TEX26: variants seen among roughly 807,000 people sequenced by gnomAD.
TEX26 encodes testis expressed 26.
A neutral mutation model predicts 35.3 loss-of-function variants in TEX26; 34 were observed. That is an observed-to-expected ratio of 0.96 (90% CI 0.73 to 1.28). TEX26 has a LOEUF of 1.28. Ranked by LOEUF, TEX26 falls within the 50% of genes most tolerant of loss-of-function variation. The probability of loss-of-function intolerance (pLI) is 0.00; values close to 1 mark genes in which losing one functional copy is unlikely to be tolerated. For synonymous variants in TEX26, 136 were observed against 111.8 expected, an observed-to-expected ratio of 1.22 and a Z score of -1.36; for missense variants, 371 against 330.1, an observed-to-expected ratio of 1.12 and a Z score of -0.96.
chr13:30,947,934 C>T (rs767187640), intron 2 of TEX26, among the ~76,000 whole-genome samples: 9 of 152,000 alleles, frequency 5.9e-5, no homozygotes, highest in Non-Finnish European at 1.3e-4. Context: ...GTTCCTCTTC[C>T]TGTGTCCATG....
At chr13:30,963,586 A>T (rs57365010) in intron 4 of TEX26, among the ~76,000 whole-genome samples, 4,711 of 152,316 alleles carry the variant, frequency 0.031, 232 homozygotes, top group African/African-American at 0.11. Context: ...AGTGTACTTC[A>T]GATATTAATT....
At chr13:30,937,527 C>T (rs1361833264) in intron 1 of TEX26, among the ~76,000 whole-genome samples, 1 of 152,162 alleles carries the variant, frequency 6.6e-6, no homozygotes, top group Non-Finnish European at 1.5e-5. Context: ...TTACGAGTGG[C>T]ATGCCTCACA....
chr13:30,941,552 T>C (rs1953512233), intron 2 of TEX26, among the ~76,000 whole-genome samples: 1 of 152,220 alleles, frequency 6.6e-6, no homozygotes, highest in Non-Finnish European at 1.5e-5. Flanking sequence ...ATGGGTGCAT[T>C]GCATAATGGT....
intron 1 of TEX26, among the ~76,000 whole-genome samples, chr13:30,935,702 C>T (rs1953248949): frequency 6.6e-6 from 1 of 152,332 alleles, no homozygotes; most frequent in East Asian, 1.9e-4. Flanking sequence ...TGCCTAGGGC[C>T]TCCTCTCTAC....
At chr13:30,974,735 T>C in intron 6 of TEX26, 111 bp from the exon 7 acceptor site, 4 of 1,101,088 alleles carry the variant, frequency 3.6e-6, no homozygotes, top group Non-Finnish European at 3.8e-6. Flanking sequence ...CTTACCAAAT[T>C]TGTGTATTTA....
intron 4 of TEX26, among the ~76,000 whole-genome samples, chr13:30,962,107 G>C (rs1243489088): frequency 6.6e-6 from 1 of 152,134 alleles, no homozygotes; most frequent in Non-Finnish European, 1.5e-5. Context: ...TTCACCACCT[G>C]GCAGCTAGAG....
chr13:30,956,110 A>G (rs986610685), intron 3 of TEX26, among the ~76,000 whole-genome samples: 17 of 151,392 alleles, frequency 1.1e-4, no homozygotes, highest in Non-Finnish European at 2.1e-4. Flanking sequence ...GGTGTGCTGC[A>G]CCCATTAACT....
Position 30,932,741 on chromosome 13 carries a change from C to T in TEX26, c.26C>T (p.Pro9Leu), listed in dbSNP as rs1953116035. The T allele has an allele frequency of 2.5e-6, 4 of 1,613,704 alleles. No homozygotes were observed. The Admixed American group carries it at 5.0e-5, about 20-fold the overall frequency. Reference protein sequence around the residue: MEQPGPRAPDPSLCHHNLQ... With the variant: MEQPGPRALDPSLCHHNLQ... ...ATGGAACAGCCTGGGCCCAGGGCTC[C>T]GGATCCCTCTCTCTGCCACCACAAC... Residue 9 changes from proline (P) to leucine (L), a missense_variant, in exon 1 of 7, where the codon CCG becomes CTG. By Grantham distance (98) the Pro-to-Leu change is moderately conservative (BLOSUM62 -3). Transcript: ENST00000380473.
chr13:30,956,019 TTTA>T (rs1231807408), intron 3 of TEX26, among the ~76,000 whole-genome samples: 5 of 152,082 alleles, frequency 3.3e-5, no homozygotes, highest in African/African-American at 1.2e-4. Context: ...CTTTTTTAAT[TTTA>T]TTATTATTAT....
At chr13:30,945,851 G>A (rs1953688585) in intron 2 of TEX26, among the ~76,000 whole-genome samples, 1 of 151,808 alleles carries the variant, frequency 6.6e-6, no homozygotes, top group Admixed American at 6.6e-5. Context: ...CTTTTTAATA[G>A]GTTACCTGAT....
chr13:30,964,785 A>G (rs1954470230), intron 4 of TEX26, among the ~76,000 whole-genome samples: 1 of 152,214 alleles, frequency 6.6e-6, no homozygotes, highest in Non-Finnish European at 1.5e-5. Context: ...CAAGAGCGTG[A>G]AAGTGAGAGA....
intron 6 of TEX26, among the ~76,000 whole-genome samples, chr13:30,970,544 G>A (rs36001708): frequency 0.034 from 5,242 of 152,146 alleles, 130 homozygotes; most frequent in Non-Finnish European, 0.05. Flanking sequence ...TTTCAATTTT[G>A]TATATAAAAT....
At chr13:30,940,831 G>A (rs112573829) in intron 2 of TEX26, among the ~76,000 whole-genome samples, 1 of 151,800 alleles carries the variant, frequency 6.6e-6, no homozygotes, top group Non-Finnish European at 1.5e-5. Flanking sequence ...CCAGCTACTC[G>A]GGAGGCAGAG....
chr13:30,938,576 T>C (rs1953360114), intron 1 of TEX26, among the ~76,000 whole-genome samples: 1 of 152,174 alleles, frequency 6.6e-6, no homozygotes, highest in Non-Finnish European at 1.5e-5. Flanking sequence ...TTACCTCATC[T>C]AATCTTAATT....
rs1954517655 is a variant in TEX26 at position 30,966,168 on chromosome 13, A to G, written c.470-54A>G. 5.0e-6 allele frequency: 8 copies of G among 1,600,388 alleles called. 1 individual carries two copies. Among genetic ancestry groups the G allele is most frequent in the African/African-American group, 2.7e-5 (2 of 74,396 alleles). ...CTCTAAACACAGCAAGAGTGGGTTT[A>G]GCTACTTTGTTCACAAGGAGTAAGT... On this transcript the variant is annotated intron_variant, in intron 4 of 6. Transcript: ENST00000380473.
At chr13:30,968,309 C>T (rs913135597) in intron 5 of TEX26, among the ~76,000 whole-genome samples, 5 of 151,996 alleles carry the variant, frequency 3.3e-5, no homozygotes, top group Admixed American at 6.5e-5. Context: ...TGGTAGCAGC[C>T]CCCAGAGAGA....
intron 4 of TEX26, among the ~76,000 whole-genome samples, chr13:30,958,455 G>C (rs904030872): frequency 1.6e-4 from 24 of 152,176 alleles, no homozygotes; most frequent in African/African-American, 5.8e-4. Context: ...GTGTTCTCCT[G>C]CTTTTTGGTG....
intron 1 of TEX26, among the ~76,000 whole-genome samples, chr13:30,938,380 C>T (rs2138172363): frequency 6.6e-6 from 1 of 152,224 alleles, no homozygotes; most frequent in Middle Eastern, 3.4e-3. Context: ...AAGAAAACTA[C>T]TTTAGCTGAT....
chr13:30,945,233 A>G (rs574053659), intron 2 of TEX26, among the ~76,000 whole-genome samples: 1 of 151,854 alleles, frequency 6.6e-6, no homozygotes, highest in South Asian at 2.1e-4. Context: ...TTGTTGCTTT[A>G]AAGTCTGTTT....
Sources: allele counts gnomAD v4.1 joint callset (sites outside exome capture counted in the v4.1 genomes callset), GRCh38; gene constraint gnomAD v4.1.1; transcripts MANE v1.5; gene names NCBI Gene and HGNC (gene_info 2026-07-23, HGNC 2026-07-21).